PRKCE: variants seen among roughly 807,000 people sequenced by gnomAD.
PRKCE encodes protein kinase C epsilon.
In PRKCE, 16 loss-of-function variants were observed where a neutral mutation model predicts 85.4. The ratio of observed to expected loss-of-function variants is 0.19; its 90% CI spans 0.13 to 0.28. The LOEUF (loss-of-function observed/expected upper bound fraction) is 0.28, where lower values mean the gene tolerates loss of function less well. PRKCE is among the 10% of genes least tolerant of loss of function. The pLI is 1.00. For synonymous variants in PRKCE, 388 were observed against 371.5 expected (o/e 1.04, Z -0.51); for missense variants, 573 against 975.2 (o/e 0.59, Z 5.49).
intron 1 of PRKCE, among the ~76,000 whole-genome samples, chr2:45,838,546 C>T (rs1271174626): frequency 7.2e-5 from 11 of 152,176 alleles, no homozygotes; most frequent in Non-Finnish European, 1.6e-4. Context: ...TATAGCCCTT[C>T]CTGCCCCGGG....
chr2:45,924,134 C>A (rs904655768), intron 2 of PRKCE, among the ~76,000 whole-genome samples: 1 of 152,104 alleles, frequency 6.6e-6, no homozygotes, highest in African/African-American at 2.4e-5. Flanking sequence ...TGCCTTAAAC[C>A]GTCAGGGACT....
chr2:46,005,761 C>T (rs777533225), intron 8 of PRKCE, among the ~76,000 whole-genome samples: 27 of 152,182 alleles, frequency 1.8e-4, no homozygotes, highest in Non-Finnish European at 2.6e-4. Flanking sequence ...AGTCCCTCTT[C>T]GTGCTACTCC....
chr2:45,841,754 T>G (rs938183104), intron 1 of PRKCE, among the ~76,000 whole-genome samples: 2 of 152,258 alleles, frequency 1.3e-5, no homozygotes, highest in African/African-American at 2.4e-5. Context: ...GAGGGGCTAA[T>G]TAATTCTGAC....
chr2:45,885,853 T>A (rs1370946721), intron 2 of PRKCE, among the ~76,000 whole-genome samples: 1 of 152,242 alleles, frequency 6.6e-6, no homozygotes, highest in East Asian at 1.9e-4. Context: ...GTAGGATAAT[T>A]TAAAAAGCAA....
intron 13 of PRKCE, among the ~76,000 whole-genome samples, chr2:46,154,772 C>T (rs1677037296): frequency 6.6e-6 from 1 of 151,188 alleles, no homozygotes; most frequent in Non-Finnish European, 1.5e-5. Context: ...ACCTTGTCCC[C>T]TTCCCTATCC....
chr2:45,684,661 T>C (rs924940768), intron 1 of PRKCE, among the ~76,000 whole-genome samples: 13 of 152,238 alleles, frequency 8.5e-5, no homozygotes, highest in Admixed American at 7.8e-4. Flanking sequence ...TTCCTGCATC[T>C]GGGCGCCTAG....
At chr2:46,058,068 T>C (rs889654091) in intron 10 of PRKCE, among the ~76,000 whole-genome samples, 1 of 152,252 alleles carries the variant, frequency 6.6e-6, no homozygotes, top group Non-Finnish European at 1.5e-5. Flanking sequence ...AGTGAAGTAA[T>C]GGGCAAATTC....
chr2:46,008,702 C>G (rs1372580642), intron 9 of PRKCE, among the ~76,000 whole-genome samples: 1 of 152,156 alleles, frequency 6.6e-6, no homozygotes, highest in East Asian at 1.9e-4. Flanking sequence ...ACTTAAATGG[C>G]AAAAGCTGAA....
chr2:45,782,218 G>C (rs565599040), intron 1 of PRKCE, among the ~76,000 whole-genome samples: 4 of 151,996 alleles, frequency 2.6e-5, no homozygotes, highest in African/African-American at 9.7e-5. Flanking sequence ...GCCTCCTCTC[G>C]TCCAGGCCCA....
At chr2:45,716,950 CTA>C (rs1680175676) in intron 1 of PRKCE, among the ~76,000 whole-genome samples, 2 of 152,198 alleles carry the variant, frequency 1.3e-5, no homozygotes, top group Non-Finnish European at 2.9e-5. Flanking sequence ...TGAGAACTCA[CTA>C]TCATGAGAAT....
intron 10 of PRKCE, among the ~76,000 whole-genome samples, chr2:46,053,326 C>T (rs537029927): frequency 1.3e-5 from 2 of 152,236 alleles, no homozygotes; most frequent in African/African-American, 4.8e-5. Context: ...TACTCCCCCC[C>T]GATTATTTAT....
chr2:45,982,287 C>A (rs954051945), intron 5 of PRKCE, among the ~76,000 whole-genome samples: 1 of 152,146 alleles, frequency 6.6e-6, no homozygotes, highest in Non-Finnish European at 1.5e-5. Context: ...GTGCAACCAC[C>A]TTTAATGTGA....
chr2:46,146,625 G>T (rs929365132), intron 12 of PRKCE, among the ~76,000 whole-genome samples: 4 of 152,202 alleles, frequency 2.6e-5, no homozygotes, highest in Non-Finnish European at 5.9e-5. Flanking sequence ...GGATTGGAAC[G>T]GGGGCAGGAC....
rs572131032 is a variant in PRKCE, at chr2:45,994,500, T to G, written c.824-6904T>G. ...ACTAAACTTTTTACCATTTTCATAG[T>G]TTTACCTTTTCCAGAATGTCCTATA... On this transcript the variant is annotated intron_variant, in intron 6 of 14. Coordinates refer to ENST00000306156, the MANE Select transcript of PRKCE (RefSeq NM_005400.3). Among the ~76,000 whole-genome samples the G allele has an allele frequency of 2.0e-5, 3 of 152,346 alleles. No individual in the cohort carries two copies. In the South Asian group the frequency reaches 6.2e-4, roughly 32 times the overall value.
intron 2 of PRKCE, among the ~76,000 whole-genome samples, chr2:45,970,495 A>G (rs1220562719): frequency 6.6e-6 from 1 of 152,190 alleles, no homozygotes; most frequent in Non-Finnish European, 1.5e-5. Context: ...TCAATGTGAC[A>G]ACATCCTGGA....
At chr2:45,684,948 A>C (rs1400172295) in intron 1 of PRKCE, among the ~76,000 whole-genome samples, 1 of 152,230 alleles carries the variant, frequency 6.6e-6, no homozygotes, top group Non-Finnish European at 1.5e-5. Context: ...AGCTAGATCC[A>C]GAGGGAGAAA....
chr2:45,817,466 G>A (rs1251422122), intron 1 of PRKCE, among the ~76,000 whole-genome samples: 2 of 152,060 alleles, frequency 1.3e-5, no homozygotes, highest in African/African-American at 2.4e-5. Context: ...GGCTGAGGAG[G>A]GCGAATCACG....
chr2:46,094,448 A>C (rs1235927783), intron 11 of PRKCE, among the ~76,000 whole-genome samples: 1 of 152,236 alleles, frequency 6.6e-6, no homozygotes, highest in Non-Finnish European at 1.5e-5. Flanking sequence ...GATTAAAAAG[A>C]ATCTTCAGAT....
intron 2 of PRKCE, among the ~76,000 whole-genome samples, chr2:45,870,006 C>T (rs1280679190): frequency 6.6e-6 from 1 of 152,064 alleles, no homozygotes; most frequent in Non-Finnish European, 1.5e-5. Flanking sequence ...GCGCCCGGCC[C>T]CATTACATTT....
Sources: allele counts gnomAD v4.1 joint callset (sites outside exome capture counted in the v4.1 genomes callset), GRCh38; gene constraint gnomAD v4.1.1; transcripts MANE v1.5; gene names NCBI Gene and HGNC (gene_info 2026-07-23, HGNC 2026-07-21).